PAK5: variants seen among roughly 807,000 people sequenced by gnomAD.
The protein encoded by PAK5 is serine/threonine-protein kinase PAK 5.
In PAK5, 16 loss-of-function variants were observed where a neutral mutation model predicts 65.9. The ratio of observed to expected loss-of-function variants is 0.24; its 90% CI spans 0.16 to 0.37. The LOEUF (loss-of-function observed/expected upper bound fraction) is 0.37, where lower values mean the gene tolerates loss of function less well. PAK5 is among the 10% of genes least tolerant of loss of function. PAK5 has a pLI of 1.00. For synonymous variants in PAK5, 371 were observed against 354.9 expected, an observed-to-expected ratio of 1.05 and a Z score of -0.51; for missense variants, 785 against 903.9, an observed-to-expected ratio of 0.87 and a Z score of 1.69.
At chr20:9,787,023 G>C (rs895473620) in intron 1 of PAK5, among the ~76,000 whole-genome samples, 1 of 152,128 alleles carries the variant, frequency 6.6e-6, no homozygotes, top group Admixed American at 6.6e-5. Flanking sequence ...AGCTGCTGAA[G>C]ATGGCAAGAA....
intron 2 of PAK5, among the ~76,000 whole-genome samples, chr20:9,659,907 C>T (rs2047321350): frequency 6.6e-6 from 1 of 152,136 alleles, no homozygotes; most frequent in South Asian, 2.1e-4. Flanking sequence ...ATAAGTCTCA[C>T]CTTCTGACTC....
chr20:9,822,047 G>C (rs1408513523), intron 1 of PAK5, among the ~76,000 whole-genome samples: 1 of 152,156 alleles, frequency 6.6e-6, no homozygotes, highest in African/African-American at 2.4e-5. Flanking sequence ...CCAACACTTT[G>C]GGAGGCTGAG....
chr20:9,702,564 C>T (rs1234782333), intron 2 of PAK5, among the ~76,000 whole-genome samples: 1 of 152,150 alleles, frequency 6.6e-6, no homozygotes, highest in Non-Finnish European at 1.5e-5. Context: ...GAGCTGACTG[C>T]CATGGTTCCT....
At chr20:9,702,733 T>C (rs2047955676) in intron 2 of PAK5, among the ~76,000 whole-genome samples, 2 of 152,188 alleles carry the variant, frequency 1.3e-5, no homozygotes, top group African/African-American at 4.8e-5. Flanking sequence ...TCTTAGCCAC[T>C]GTTAGATCCC....
intron 3 of PAK5, among the ~76,000 whole-genome samples, chr20:9,598,859 A>T (rs1328785222): frequency 6.6e-6 from 1 of 152,076 alleles, no homozygotes; most frequent in Non-Finnish European, 1.5e-5. Context: ...AACTCTTTTT[A>T]TACTGTGGTA....
chr20:9,610,341 G>A (rs2046535540), intron 3 of PAK5, among the ~76,000 whole-genome samples: 1 of 152,190 alleles, frequency 6.6e-6, no homozygotes, highest in Admixed American at 6.5e-5. Context: ...GGTAGAGCTT[G>A]AATGTGGCCT....
intron 1 of PAK5, among the ~76,000 whole-genome samples, chr20:9,752,310 G>C (rs1343465018): frequency 1.3e-5 from 2 of 152,132 alleles, no homozygotes; most frequent in African/African-American, 4.8e-5. Flanking sequence ...GCAGATCACT[G>C]TGGCAACTCT....
intron 2 of PAK5, among the ~76,000 whole-genome samples, chr20:9,664,262 G>A (rs975929723): frequency 1.3e-5 from 2 of 151,462 alleles, no homozygotes; most frequent in Admixed American, 6.6e-5. Flanking sequence ...TAAACTGAAA[G>A]GAACTCAGCA....
At chr20:9,613,337 G>C (rs868767970) in intron 3 of PAK5, among the ~76,000 whole-genome samples, 21 of 152,354 alleles carry the variant, frequency 1.4e-4, no homozygotes, top group Middle Eastern at 3.4e-3. Context: ...GAAGATCACA[G>C]CTTACCAGAG....
At chr20:9,747,792 C>G (rs2048526049) in intron 1 of PAK5, among the ~76,000 whole-genome samples, 1 of 150,812 alleles carries the variant, frequency 6.6e-6, no homozygotes, top group African/African-American at 2.4e-5. Flanking sequence ...GGGATGCCCT[C>G]TCTCACCACT....
intron 1 of PAK5, among the ~76,000 whole-genome samples, chr20:9,767,539 C>T (rs2048782546): frequency 6.6e-6 from 1 of 152,150 alleles, no homozygotes; most frequent in Non-Finnish European, 1.5e-5. Context: ...GAGACCTTTC[C>T]CATTTCATTT....
At chr20:9,695,065 T>C (rs1454356445) in intron 2 of PAK5, among the ~76,000 whole-genome samples, 1 of 152,044 alleles carries the variant, frequency 6.6e-6, no homozygotes, top group Non-Finnish European at 1.5e-5. Context: ...GTCAATCCTT[T>C]CATGATTGTC....
intron 9 of PAK5, among the ~76,000 whole-genome samples, chr20:9,542,286 G>A (rs760942538): frequency 2.0e-5 from 3 of 152,182 alleles, no homozygotes; most frequent in Non-Finnish European, 4.4e-5. Flanking sequence ...GCATGTAATA[G>A]ATGCTGAATG....
chr20:9,581,526 C>T (rs1473751094), intron 3 of PAK5, among the ~76,000 whole-genome samples: 1 of 152,088 alleles, frequency 6.6e-6, no homozygotes, highest in Non-Finnish European at 1.5e-5. Context: ...AGGAAACAGA[C>T]TGAAGATTAT....
chr20:9,779,984 T>C (rs2048925329), intron 1 of PAK5, among the ~76,000 whole-genome samples: 1 of 152,104 alleles, frequency 6.6e-6, no homozygotes. Flanking sequence ...TGCTTTACCA[T>C]ATTTAAGCTA....
At position 9,580,250 on chromosome 20, in the gene PAK5, C is replaced by T. The variant is rs762027150; in HGVS notation, c.885G>A (p.Pro295=). Residue 295 remains proline, a synonymous_variant, in exon 4 of 10, where the codon CCG becomes CCA. Transcript: ENST00000353224. ...ATGCACTTGCTCCAAATGGCATCAT[C>T]GGTTCCTGGAGTCCCGAGCCTGACC... ...RSRSGSGLQE[P]MMPFGASAFK... is the part of the protein sequence containing the mutation. The T allele has an allele frequency of 8.1e-6, 13 of 1,614,098 alleles. No individual in the cohort carries two copies. In the East Asian group the frequency reaches 1.6e-4, roughly 19 times the overall value.
chr20:9,836,302 G>A (rs775148911), intron 1 of PAK5, among the ~76,000 whole-genome samples: 3 of 152,118 alleles, frequency 2.0e-5, no homozygotes, highest in Non-Finnish European at 2.9e-5. Context: ...ATGACGTTTA[G>A]AAATCAGGCA....
chr20:9,773,874 G>A (rs531976975), intron 1 of PAK5, among the ~76,000 whole-genome samples: 21 of 152,324 alleles, frequency 1.4e-4, no homozygotes, highest in Non-Finnish European at 2.4e-4. Context: ...GCAGAGTTAC[G>A]ATGTGTGCTC....
At chr20:9,633,368 C>T (rs1159154425) in intron 3 of PAK5, among the ~76,000 whole-genome samples, 1 of 151,968 alleles carries the variant, frequency 6.6e-6, no homozygotes, top group African/African-American at 2.4e-5. Context: ...GGTGTCACTC[C>T]ATTACCCTGT....
Sources: allele counts gnomAD v4.1 joint callset (sites outside exome capture counted in the v4.1 genomes callset), GRCh38; gene constraint gnomAD v4.1.1; transcripts MANE v1.5; gene names NCBI Gene and HGNC (gene_info 2026-07-23, HGNC 2026-07-21).